RTRAF: variants seen among roughly 807,000 people sequenced by gnomAD.
RTRAF encodes the protein tRNA-splicing ligase complex subunit RTRAF.
A neutral mutation model predicts 34.4 loss-of-function variants in RTRAF; 14 were observed. The ratio of observed to expected loss-of-function variants is 0.41; its 90% CI spans 0.27 to 0.64. RTRAF has a LOEUF of 0.64. RTRAF is among the 30% of genes least tolerant of loss of function. The pLI, the probability that RTRAF is intolerant of heterozygous loss-of-function variation, is 0.34. For missense variants in RTRAF, 291 were observed against 288.4 expected, an observed-to-expected ratio of 1.01 and a Z score of -0.06; for synonymous variants, 96 against 95.3, an observed-to-expected ratio of 1.01 and a Z score of -0.04.
At chr14:51,998,261 T>C (rs1890550704) in intron 3 of RTRAF, 5 of 379,164 alleles carry the variant, frequency 1.3e-5, no homozygotes, top group Non-Finnish European at 2.4e-5. Context: ...AGTTGTACAT[T>C]GAACATAAAA....
Position 52,004,226 on chromosome 14 carries a change from T to C in RTRAF, c.564T>C (p.Leu188=). 1 of 1,613,580 alleles carries C rather than the reference T, an allele frequency of 6.2e-7. No homozygotes were observed. Among genetic ancestry groups the C allele is most frequent in the Non-Finnish European group, 8.5e-7 (1 of 1,179,612 alleles). The stretch of plus-strand genomic sequence containing the variant: ...CTGTTGCTTTAGACAAACATATTCT[T>C]GGTTTTGACACAGGAGGTAAGTGAT... ...GLPVALDKHI[L]GFDTGDAVLN... is the part of the protein sequence containing the mutation. The change falls in exon 7 of 8, where the codon CTT becomes CTC. Residue 188 remains leucine (L), a synonymous_variant. Coordinates refer to ENST00000261700, the MANE Select transcript of RTRAF (RefSeq NM_016039.3).
In RTRAF at chr14:52,007,397, T is replaced by C. The variant is rs966444505; in HGVS notation, c.*2881T>C. On this transcript the variant is annotated 3_prime_UTR_variant, in exon 8 of 8. Coordinates refer to ENST00000261700, the MANE Select transcript of RTRAF (RefSeq NM_016039.3). ...AACAAATGTAGGTTGCTAATACCCATGTTATTACTGAAGGAAGCTACCCTG... is the reference window on the plus strand; with the variant it reads ...AACAAATGTAGGTTGCTAATACCCACGTTATTACTGAAGGAAGCTACCCTG... The C allele has an allele frequency of 9.9e-6, 2 of 201,560 alleles. No individual in the cohort carries two copies. The highest frequency in any genetic ancestry group is 4.8e-5 in the African/African-American group (2 of 41,766). The allele number at this position is 201,560 out of a possible 1,614,324, so 12.5% of individuals were successfully genotyped here.
rs1209449602 is a variant in RTRAF at position 52,009,850 on chromosome 14, G to A, written c.*5334G>A. On this transcript the variant is annotated 3_prime_UTR_variant, in exon 8 of 8. Coordinates refer to ENST00000261700, the MANE Select transcript of RTRAF (RefSeq NM_016039.3). ...AAAAATACAAAAATTAGCTGGGCATGGTGGCACATGCCTGTAGTCCCAGCT... is the reference window on the plus strand; with the variant it reads ...AAAAATACAAAAATTAGCTGGGCATAGTGGCACATGCCTGTAGTCCCAGCT... 2 of 152,378 alleles carry A rather than the reference G, an allele frequency of 1.3e-5. No individual in the cohort carries two copies. Among genetic ancestry groups the A allele is most frequent in the African/African-American group, 4.8e-5 (2 of 41,452 alleles). 9.4% of individuals were successfully genotyped at this position (152,378 alleles called of 1,614,324 possible). A position where few individuals can be genotyped will look rare whatever the true frequency, so the allele number is the denominator to read the frequency against.
rs1012427195 is a variant in RTRAF, at chr14:52,008,321, G to A, written c.*3805G>A. ...TTGGCCAGAGACATTAGTCTTGCCT[G>A]TAGCCCATGTGAGCATGCTTGGGCT... On this transcript the variant is annotated 3_prime_UTR_variant, in exon 8 of 8. Coordinates refer to ENST00000261700, the MANE Select transcript of RTRAF (RefSeq NM_016039.3). 3 of 180,816 alleles carry A rather than the reference G, an allele frequency of 1.7e-5. No homozygotes were observed. The highest frequency in any genetic ancestry group is 7.1e-5 in the African/African-American group (3 of 42,096). The allele number at this position is 180,816 out of a possible 1,614,324, so 11.2% of individuals were successfully genotyped here.
In RTRAF at chr14:52,005,664, G is replaced by A. The variant is rs557891912; in HGVS notation, c.*1148G>A. ...TGGTGGCAGTGTCACAGGCAGCAGG[G>A]GTAATCAAATACCATATATATCCCT... is the stretch of plus-strand genomic sequence containing the variant. On this transcript the variant is annotated 3_prime_UTR_variant, in exon 8 of 8. Transcript: ENST00000261700. 2.9e-6 allele frequency: 4 copies of A among 1,396,292 alleles called. No homozygotes were observed. Among genetic ancestry groups the A allele is most frequent in the South Asian group, 1.2e-5 (1 of 86,294 alleles). The allele number at this position is 1,396,292 out of a possible 1,614,324, so 86.5% of individuals were successfully genotyped here.
At chr14:51,994,048 C>A (rs1302328576) in intron 3 of RTRAF, among the ~76,000 whole-genome samples, 4 of 152,220 alleles carry the variant, frequency 2.6e-5, no homozygotes, top group Non-Finnish European at 2.9e-5. Context: ...TGTCTTCTCA[C>A]AGAGTAACAC....
chr14:52,004,716 G>A lies in RTRAF; in HGVS notation c.*200G>A, dbSNP rs548623519. ...GTAGAATTTTTATTATGTACTGTATGTTTGCATAAATCACCTTTCTCCTTT... is the reference window on the plus strand; with the variant it reads ...GTAGAATTTTTATTATGTACTGTATATTTGCATAAATCACCTTTCTCCTTT... On this transcript the variant is annotated 3_prime_UTR_variant, in exon 8 of 8. Coordinates refer to ENST00000261700, the MANE Select transcript of RTRAF (RefSeq NM_016039.3). 31 of 484,540 alleles carry A rather than the reference G, an allele frequency of 6.4e-5. No homozygotes were observed. Among genetic ancestry groups the A allele is most frequent in the African/African-American group, 3.6e-4 (18 of 50,004 alleles). The allele number at this position is 484,540 out of a possible 1,614,324, so 30.0% of individuals were successfully genotyped here.
Position 52,008,036 on chromosome 14 carries a change from C to T in RTRAF, c.*3520C>T, listed in dbSNP as rs972552861. On this transcript the variant is annotated 3_prime_UTR_variant, in exon 8 of 8. Coordinates refer to ENST00000261700, the MANE Select transcript of RTRAF (RefSeq NM_016039.3). The stretch of plus-strand genomic sequence containing the variant: ...CTGTGGTAGGCAGCATCTAAGCAGC[C>T]CCCAGTGATCTCCATCTCCTCATGT... The T allele has an allele frequency of 1.5e-5, 19 of 1,273,070 alleles. No individual in the cohort carries two copies. Among genetic ancestry groups the T allele is most frequent in the South Asian group, 2.8e-5 (2 of 70,800 alleles). The allele number at this position is 1,273,070 out of a possible 1,614,324, so 78.9% of individuals were successfully genotyped here.
chr14:52,000,381 C>T (rs996531271), intron 5 of RTRAF, among the ~76,000 whole-genome samples: 1 of 152,136 alleles, frequency 6.6e-6, no homozygotes, highest in Non-Finnish European at 1.5e-5. Context: ...TGAAAGAGGT[C>T]TCTTGTTTCT....
At position 51,994,532 on chromosome 14, in the gene RTRAF, T is replaced by C. The variant is rs8013625; in HGVS notation, c.286+710T>C. Among the ~76,000 whole-genome samples the C allele has an allele frequency of 3.9e-3, 593 of 152,306 alleles. 1 individual carries two copies. The highest frequency in any genetic ancestry group is 0.013 in the African/African-American group (548 of 41,560). On this transcript the variant is annotated intron_variant, in intron 3 of 7. Transcript: ENST00000261700. ...CATGTTTGTTGTATCTTCATTCCCA[T>C]TGGCATAATCCTAATTCAGGCTCTT... is the stretch of plus-strand genomic sequence containing the variant.
At chr14:52,003,320 A>G (rs753438562) in intron 6 of RTRAF, among the ~76,000 whole-genome samples, 1 of 152,332 alleles carries the variant, frequency 6.6e-6, no homozygotes, top group East Asian at 1.9e-4. Flanking sequence ...ACTCAGTACA[A>G]TTCTGCTCTT....
At chr14:52,003,315 G>A (rs1594988861) in intron 6 of RTRAF, among the ~76,000 whole-genome samples, 2 of 152,162 alleles carry the variant, frequency 1.3e-5, no homozygotes, top group Admixed American at 6.5e-5. Context: ...AAGCCACTCA[G>A]TACAATTCTG....
chr14:52,004,740 T>C lies in RTRAF; in HGVS notation c.*224T>C. The C allele has an allele frequency of 2.4e-6, 1 of 423,924 alleles. No individual in the cohort carries two copies. The allele number at this position is 423,924 out of a possible 1,614,324, so 26.3% of individuals were successfully genotyped here. A position where few individuals can be genotyped will look rare whatever the true frequency, so the allele number is the denominator to read the frequency against. Reference sequence around the variant, plus strand: ...TGTTTGCATAAATCACCTTTCTCCTTTGTGGTTAAGGCATATATGCCAACC... The same window carrying C: ...TGTTTGCATAAATCACCTTTCTCCTCTGTGGTTAAGGCATATATGCCAACC... On this transcript the variant is annotated 3_prime_UTR_variant, in exon 8 of 8. Coordinates refer to ENST00000261700, the MANE Select transcript of RTRAF (RefSeq NM_016039.3).
At chr14:51,994,877 C>T (rs549423423) in intron 3 of RTRAF, among the ~76,000 whole-genome samples, 54 of 152,114 alleles carry the variant, frequency 3.5e-4, no homozygotes, top group African/African-American at 1.3e-3. Context: ...TATCCCATTT[C>T]CCCCTCTGTT....
intron 3 of RTRAF, 25 bp from the exon 4 acceptor site, chr14:51,998,469 A>C: frequency 7.0e-7 from 1 of 1,418,758 alleles, no homozygotes; most frequent in Non-Finnish European, 9.7e-7. Context: ...AGTTGTACAA[A>C]TTATATTTTT....
chr14:52,008,083 C>T lies in RTRAF; in HGVS notation c.*3567C>T, dbSNP rs1890862203. ...ATGTATTATAGCCTTAAGCAATCCC[C>T]TTGAGTTTGGGCTGCATTAGTAGTG... On this transcript the variant is annotated 3_prime_UTR_variant, in exon 8 of 8. Coordinates refer to ENST00000261700, the MANE Select transcript of RTRAF (RefSeq NM_016039.3). 1 of 805,364 alleles carries T rather than the reference C, an allele frequency of 1.2e-6. No individual in the cohort carries two copies. Among genetic ancestry groups the T allele is most frequent in the African/African-American group, 1.8e-5 (1 of 56,652 alleles). 49.9% of individuals were successfully genotyped at this position (805,364 alleles called of 1,614,324 possible). A position where few individuals can be genotyped will look rare whatever the true frequency, so the allele number is the denominator to read the frequency against.
At chr14:51,990,698 A>G (rs553340452) in intron 1 of RTRAF, among the ~76,000 whole-genome samples, 1 of 152,322 alleles carries the variant, frequency 6.6e-6, no homozygotes, top group South Asian at 2.1e-4. Context: ...GATATTACCT[A>G]CCTCAAAAGA....
Position 52,000,086 on chromosome 14 carries a change from A to G in RTRAF, c.462+290A>G, listed in dbSNP as rs376419704. On this transcript the variant is annotated intron_variant, in intron 5 of 7. Coordinates refer to ENST00000261700, the MANE Select transcript of RTRAF (RefSeq NM_016039.3). Reference sequence around the variant, plus strand: ...TATCATATGAAGAAACTGAGACTCAATGAGGATAATGTCTAAGATGACACA... The same window carrying G: ...TATCATATGAAGAAACTGAGACTCAGTGAGGATAATGTCTAAGATGACACA... Among the ~76,000 whole-genome samples, 47 of 152,230 alleles carry G rather than the reference A, an allele frequency of 3.1e-4. No homozygotes were observed. The East Asian group carries it at 8.5e-3, about 27-fold the overall frequency.
Position 52,001,934 on chromosome 14 carries a change from C to G in RTRAF, c.531+68C>G, listed in dbSNP as rs906452324. On this transcript the variant is annotated intron_variant, in intron 6 of 7. Coordinates refer to ENST00000261700, the MANE Select transcript of RTRAF (RefSeq NM_016039.3). The stretch of plus-strand genomic sequence containing the variant: ...CTTCTGGTATGGCCGTGATTTTAAA[C>G]TTTGCATGTATCTGTTTAAGATATC... The G allele has an allele frequency of 3.3e-5, 43 of 1,304,418 alleles. No individual in the cohort carries two copies. The South Asian group carries it at 5.5e-4, about 17-fold the overall frequency. 80.8% of individuals were successfully genotyped at this position (1,304,418 alleles called of 1,614,324 possible).
Sources: allele counts gnomAD v4.1 joint callset (sites outside exome capture counted in the v4.1 genomes callset), GRCh38; gene constraint gnomAD v4.1.1; transcripts MANE v1.5; gene names NCBI Gene and HGNC (gene_info 2026-07-23, HGNC 2026-07-21).